NDUFAF7: variants seen among roughly 807,000 people sequenced by gnomAD.
NDUFAF7 encodes the protein NADH:ubiquinone oxidoreductase complex assembly factor 7.
In NDUFAF7, 48 loss-of-function variants were observed where a neutral mutation model predicts 47.2. The ratio of observed to expected loss-of-function variants is 1.02; its 90% confidence interval spans 0.81 to 1.29. The LOEUF (loss-of-function observed/expected upper bound fraction) is 1.29. NDUFAF7 is among the 50% of genes most tolerant of loss of function. NDUFAF7 has a pLI of 0.00. For missense variants in NDUFAF7, 635 were observed against 537.6 expected, an observed-to-expected ratio of 1.18 and a Z score of -1.79; for synonymous variants, 217 against 190.0, an observed-to-expected ratio of 1.14 and a Z score of -1.17.
chr2:37,236,024 A>G (rs1169944867), intron 2 of NDUFAF7, 72 bp from the exon 3 acceptor site: 1 of 1,220,324 alleles, frequency 8.2e-7, no homozygotes, highest in Non-Finnish European at 1.2e-6. Flanking sequence ...ATTATTTAAG[A>G]TTTTGGAGGG....
At chr2:37,254,140 TG>T, downstream of NDUFAF7, 1 of 1,216,578 alleles carries the variant, frequency 8.2e-7, no homozygotes, top group Non-Finnish European at 1.2e-6. Flanking sequence ...TCTCATTAGG[TG>T]GGACAAATCA....
chr2:37,253,547 CAG>C (rs2148469289), downstream of NDUFAF7: 2 of 484,078 alleles, frequency 4.1e-6, no homozygotes, highest in Non-Finnish European at 7.1e-6. Flanking sequence ...TTTTCAAACT[CAG>C]AGTCTCCAAT....
At chr2:37,264,750 A>G in the NDUFAF7 span, among the ~76,000 whole-genome samples, 2 of 152,162 alleles carry the variant, frequency 1.3e-5, no homozygotes, top group Non-Finnish European at 2.9e-5. Flanking sequence ...GGGGGGGAAA[A>G]AAAAAGACTC....
intron 7 of NDUFAF7, among the ~76,000 whole-genome samples, chr2:37,245,100 G>T (rs1666767015): frequency 1.3e-5 from 2 of 152,106 alleles, no homozygotes; most frequent in South Asian, 2.1e-4. Flanking sequence ...TAGCTAAATG[G>T]TTAGTTATAT....
chr2:37,236,745 C>G (rs972773740), intron 3 of NDUFAF7, among the ~76,000 whole-genome samples: 5 of 149,298 alleles, frequency 3.3e-5, no homozygotes, highest in African/African-American at 1.2e-4. Flanking sequence ...GGCGCCACTG[C>G]ACTCCAGCCT....
chr2:37,240,567 CAAA>C (rs1666243596), intron 4 of NDUFAF7, among the ~76,000 whole-genome samples: 1 of 151,754 alleles, frequency 6.6e-6, no homozygotes, highest in East Asian at 1.9e-4. Context: ...AGAAAGAAAA[CAAA>C]ATCACGAATT....
intron 4 of NDUFAF7, among the ~76,000 whole-genome samples, chr2:37,238,624 A>G (rs1420719113): frequency 2.0e-5 from 3 of 152,068 alleles, no homozygotes; most frequent in Non-Finnish European, 4.4e-5. Flanking sequence ...GGCATAAAGC[A>G]AAAGATTAAT....
the NDUFAF7 span, chr2:37,259,503 C>G: frequency 9.0e-7 from 1 of 1,106,806 alleles, no homozygotes; most frequent in South Asian, 1.4e-5. Flanking sequence ...ACCAACAGTA[C>G]TTAGTACACT....
At position 37,248,492 on chromosome 2, in the gene NDUFAF7, C is replaced by A; in HGVS notation, c.*142C>A. 2.4e-6 allele frequency: 2 copies of A among 827,322 alleles called. No homozygotes were observed. Among genetic ancestry groups the A allele is most frequent in the South Asian group, 1.4e-5 (1 of 69,588 alleles). The allele number at this position is 827,322 out of a possible 1,614,324, so 51.2% of individuals were successfully genotyped here. A position where few individuals can be genotyped will look rare whatever the true frequency, so the allele number is the denominator to read the frequency against. The stretch of plus-strand genomic sequence containing the variant: ...CAGTCCATGTTGTATATAATACAAC[C>A]AACATTATAGAACTTTTAGGGTTGT... On this transcript the variant is annotated 3_prime_UTR_variant, in exon 10 of 10. Transcript: ENST00000002125.
intron 2 of NDUFAF7, among the ~76,000 whole-genome samples, chr2:37,234,548 A>G (rs144589267): frequency 0.012 from 1,756 of 151,660 alleles, 21 homozygotes; most frequent in Non-Finnish European, 0.019. Context: ...ACAGTGGTTC[A>G]TAACACAAAA....
At chr2:37,261,059 T>C in the NDUFAF7 span, among the ~76,000 whole-genome samples, 69 of 152,368 alleles carry the variant, frequency 4.5e-4, no homozygotes, top group African/African-American at 1.7e-3. Flanking sequence ...AGTGGCTCTT[T>C]ATTTCTGGAC....
At chr2:37,266,140 T>G in the NDUFAF7 span, among the ~76,000 whole-genome samples, 1 of 152,178 alleles carries the variant, frequency 6.6e-6, no homozygotes, top group Non-Finnish European at 1.5e-5. Flanking sequence ...AGGTACCTAC[T>G]TGACCACAAG....
the NDUFAF7 span, chr2:37,259,749 A>G: frequency 9.1e-7 from 1 of 1,098,372 alleles, no homozygotes; most frequent in African/African-American, 1.6e-5. Context: ...TGACTCCTTG[A>G]ATGATTTAAT....
chr2:37,246,746 G>A (rs962187666), intron 8 of NDUFAF7, among the ~76,000 whole-genome samples: 1 of 146,778 alleles, frequency 6.8e-6, no homozygotes, highest in Non-Finnish European at 1.5e-5. Flanking sequence ...TAGGTCTGTG[G>A]TTCTTAATTT....
intron 2 of NDUFAF7, among the ~76,000 whole-genome samples, chr2:37,234,089 T>C (rs1410726876): frequency 1.3e-5 from 2 of 152,194 alleles, no homozygotes; most frequent in Admixed American, 6.5e-5. Flanking sequence ...TTATGGGCTT[T>C]TTTGTTTGTT....
intron 3 of NDUFAF7, among the ~76,000 whole-genome samples, chr2:37,237,023 T>C (rs1040218051): frequency 4.6e-5 from 7 of 152,082 alleles, no homozygotes; most frequent in African/African-American, 1.7e-4. Flanking sequence ...CAGGCTGGAG[T>C]GTAGTGGCGC....
chr2:37,236,350 T>G (rs1259304228), intron 3 of NDUFAF7, among the ~76,000 whole-genome samples, 174 bp downstream of exon 3: 1 of 151,708 alleles, frequency 6.6e-6, no homozygotes, highest in East Asian at 1.9e-4. Flanking sequence ...AGTAAAATGG[T>G]AGAGAGAATA....
At chr2:37,268,100 G>A in the NDUFAF7 span, 3 of 310,184 alleles carry the variant, frequency 9.7e-6, no homozygotes, top group Non-Finnish European at 1.9e-5. Flanking sequence ...TATGTACTAG[G>A]TATGCCTTTA....
downstream of NDUFAF7, chr2:37,252,950 TAAA>T: frequency 2.8e-6 from 1 of 359,078 alleles, no homozygotes; most frequent in Non-Finnish European, 4.9e-6. Flanking sequence ...TTGCTTAGGC[TAAA>T]AAAGTTTATA....
Sources: allele counts gnomAD v4.1 joint callset (sites outside exome capture counted in the v4.1 genomes callset), GRCh38; gene constraint gnomAD v4.1.1; transcripts MANE v1.5; gene names NCBI Gene and HGNC (gene_info 2026-07-23, HGNC 2026-07-21).